DPP6: variants seen among roughly 807,000 people sequenced by gnomAD.
DPP6 encodes A-type potassium channel modulatory protein DPP6.
A neutral mutation model predicts 122.6 loss-of-function variants in DPP6; 69 were observed. The ratio of observed to expected loss-of-function variants is 0.56; its 90% CI spans 0.46 to 0.69. The LOEUF is 0.69. Ranked by LOEUF, DPP6 falls within the 30% of genes least tolerant of loss-of-function variation. The probability of loss-of-function intolerance (pLI) is 0.00; values close to 1 mark genes in which losing one functional copy is unlikely to be tolerated. For synonymous variants in DPP6, 418 were observed against 433.1 expected (o/e 0.97, Z 0.43); for missense variants, 928 against 1,116.9 (o/e 0.83, Z 2.41).
chr7:153,899,443 C>T (rs931754158), intron 1 of DPP6, among the ~76,000 whole-genome samples: 5 of 152,172 alleles, frequency 3.3e-5, no homozygotes, highest in East Asian at 3.9e-4. Flanking sequence ...TGCAATGGAT[C>T]GTCTCGCTCA....
chr7:154,798,371 C>T (rs1329305839), intron 12 of DPP6, among the ~76,000 whole-genome samples: 1 of 152,190 alleles, frequency 6.6e-6, no homozygotes, highest in Non-Finnish European at 1.5e-5. Flanking sequence ...TGGGGTAAGA[C>T]AGCCTGAATG....
intron 2 of DPP6, among the ~76,000 whole-genome samples, chr7:154,452,395 ACAGT>A (rs1267542475): frequency 1.3e-5 from 2 of 152,196 alleles, no homozygotes; most frequent in Admixed American, 6.5e-5. Flanking sequence ...GTGAAAGATG[ACAGT>A]CAGTCTTCAA....
At chr7:154,393,386 G>C (rs1391110044) in intron 1 of DPP6, among the ~76,000 whole-genome samples, 1 of 152,148 alleles carries the variant, frequency 6.6e-6, no homozygotes, top group Non-Finnish European at 1.5e-5. Flanking sequence ...TGTGGACCAA[G>C]TACTGTTTAT....
chr7:154,720,866 C>G (rs927035103), intron 7 of DPP6, among the ~76,000 whole-genome samples: 1 of 152,144 alleles, frequency 6.6e-6, no homozygotes, highest in African/African-American at 2.4e-5. Flanking sequence ...CAGTGTGGGC[C>G]TGCAGTCACC....
chr7:153,947,256 T>A (rs1337444946), intron 1 of DPP6, among the ~76,000 whole-genome samples: 1 of 152,074 alleles, frequency 6.6e-6, no homozygotes, highest in East Asian at 1.9e-4. Context: ...ACCTGGCAAT[T>A]TTAACAGCGG....
intron 2 of DPP6, among the ~76,000 whole-genome samples, chr7:154,450,488 T>G (rs6464425): frequency 0.3 from 45,167 of 152,116 alleles, 7,745 homozygotes; most frequent in African/African-American, 0.47. Flanking sequence ...GAGAAAAGTG[T>G]AACCTGGCCA....
chr7:153,783,504 G>C, the DPP6 span, among the ~76,000 whole-genome samples: 1 of 152,164 alleles, frequency 6.6e-6, no homozygotes, highest in South Asian at 2.1e-4. Context: ...GATTTGGGTG[G>C]GGACAGAGCC....
rs1823778153 is a variant in DPP6 at position 154,486,161 on chromosome 7, T to C, written c.457+11124T>C. On this transcript the variant is annotated intron_variant, in intron 3 of 25. Transcript: ENST00000377770. This position sits in a 1 kb window ranked among gnomAD's most constrained non-coding sequence, Gnocchi z 4.5. ...ATTTTGTTTTTTTTTTGAGATGGAG[T>C]CTCACTCTATCGCCCAGGCTGGAGT... is the stretch of plus-strand genomic sequence containing the variant. Among the ~76,000 whole-genome samples, 1 of 148,600 alleles carries C rather than the reference T, an allele frequency of 6.7e-6. No individual in the cohort carries two copies. The highest frequency in any genetic ancestry group is 2.5e-5 in the African/African-American group (1 of 39,766).
intron 1 of DPP6, among the ~76,000 whole-genome samples, chr7:154,064,457 G>A (rs749141295): frequency 1.8e-4 from 27 of 152,102 alleles, no homozygotes; most frequent in African/African-American, 6.5e-4. Context: ...AGCTCTCAGT[G>A]ATAGACACAT....
chr7:154,278,994 A>G (rs1585813029), intron 1 of DPP6, among the ~76,000 whole-genome samples: 1 of 148,890 alleles, frequency 6.7e-6, no homozygotes, highest in African/African-American at 2.5e-5. Context: ...TGTGCAGTTG[A>G]TGTGTTTGGG....
At chr7:154,377,750 T>C (rs1586101536) in intron 1 of DPP6, among the ~76,000 whole-genome samples, 1 of 152,162 alleles carries the variant, frequency 6.6e-6, no homozygotes, top group Non-Finnish European at 1.5e-5. Context: ...GTTAATAAAA[T>C]CTCTTCTCTT....
chr7:154,621,300 T>C (rs1390105854), intron 5 of DPP6, among the ~76,000 whole-genome samples: 3 of 152,206 alleles, frequency 2.0e-5, no homozygotes, highest in Non-Finnish European at 4.4e-5. Flanking sequence ...TATAACCCTA[T>C]GTGTAATTAG....
rs76868794 is a variant in DPP6 at position 154,649,473 on chromosome 7, C to T, written c.680+11600C>T. ...AGTGCCCAACTGTCTTCCAAAGTGG[C>T]TGCACCATTAAGAACTCTGCCTTTT... On this transcript the variant is annotated intron_variant, in intron 6 of 25. Transcript: ENST00000377770. Among the ~76,000 whole-genome samples, 38 of 152,340 alleles carry T rather than the reference C, an allele frequency of 2.5e-4. No homozygotes were observed. In the East Asian group the frequency reaches 6.6e-3, roughly 26 times the overall value.
chr7:154,575,881 C>T (rs1586664784), intron 5 of DPP6, among the ~76,000 whole-genome samples: 1 of 151,720 alleles, frequency 6.6e-6, no homozygotes, highest in Non-Finnish European at 1.5e-5. Flanking sequence ...AGCATTCCAG[C>T]GGATCTACAG....
the DPP6 span, among the ~76,000 whole-genome samples, chr7:153,768,756 C>T: frequency 2.0e-5 from 3 of 152,092 alleles, no homozygotes; most frequent in African/African-American, 7.2e-5. Context: ...CAGATATATG[C>T]ATTGCAGTGT....
intron 7 of DPP6, among the ~76,000 whole-genome samples, chr7:154,684,724 G>A (rs59658901): frequency 0.087 from 13,181 of 152,178 alleles, 671 homozygotes; most frequent in Middle Eastern, 0.14. Flanking sequence ...ATGATTGCAC[G>A]TACATGTATC....
chr7:154,113,087 T>C (rs370842550), intron 1 of DPP6, among the ~76,000 whole-genome samples: 1 of 152,214 alleles, frequency 6.6e-6, no homozygotes, highest in African/African-American at 2.4e-5. Flanking sequence ...TACTTGATGG[T>C]ATATATGTGC....
chr7:153,822,445 C>T, the DPP6 span, among the ~76,000 whole-genome samples: 2 of 152,118 alleles, frequency 1.3e-5, no homozygotes, highest in African/African-American at 4.8e-5. Flanking sequence ...CCCACCTCGG[C>T]CTCCCACAGT....
chr7:153,873,848 T>C, the DPP6 span, among the ~76,000 whole-genome samples: 1 of 152,204 alleles, frequency 6.6e-6, no homozygotes, highest in African/African-American at 2.4e-5. Context: ...TAGAGAAATA[T>C]AGGGGTGGCA....
Sources: gnomAD v4.1 joint callset for allele counts (sites outside exome capture counted in the v4.1 genomes callset) on GRCh38, gnomAD v4.1.1 for gene constraint, Gnocchi (gnomAD v3.1) non-coding constraint, MANE v1.5 for transcripts, NCBI Gene and HGNC (gene_info 2026-07-23, HGNC 2026-07-21) for gene names.